Variants in TMEM114 observed in about 807,000 individuals in gnomAD.
TMEM114 encodes the protein transmembrane protein 114.
TMEM114 carries 6 observed loss-of-function variants against 6.2 expected under a neutral mutation model. The ratio of observed to expected loss-of-function variants is 0.97; its 90% confidence interval spans 0.53 to 1.91. TMEM114 has a LOEUF of 1.91. Among genes scored for constraint, TMEM114 ranks in the 40% most tolerant of loss-of-function variants. TMEM114 has a pLI of 0.01. For synonymous variants in TMEM114, 104 were observed against 73.0 expected (o/e 1.42, Z -2.16); for missense variants, 218 against 158.3 (o/e 1.38, Z -2.02).
At chr16:8,565,836 G>T (rs1239790047), downstream of TMEM114, among the ~76,000 whole-genome samples, 1 of 152,158 alleles carries the variant, frequency 6.6e-6, no homozygotes, top group Non-Finnish European at 1.5e-5. Context: ...TGGCTCCATT[G>T]GGGCCCCAGT....
At chr16:8,567,337 C>G (rs958298046), downstream of TMEM114, among the ~76,000 whole-genome samples, 7 of 152,148 alleles carry the variant, frequency 4.6e-5, no homozygotes, top group Non-Finnish European at 1.0e-4. Flanking sequence ...TTGGCCACCC[C>G]CATGAATGTG....
chr16:8,566,144 G>A (rs1301573718), downstream of TMEM114, among the ~76,000 whole-genome samples: 1 of 152,172 alleles, frequency 6.6e-6, no homozygotes, highest in Non-Finnish European at 1.5e-5. Context: ...GCCAAGGTAG[G>A]TGGATCATGA....
At chr16:8,533,083 A>G (rs1304268876), downstream of TMEM114, among the ~76,000 whole-genome samples, 2 of 152,184 alleles carry the variant, frequency 1.3e-5, no homozygotes. Flanking sequence ...AAAAGTCCAA[A>G]AGGTAGTAAA....
intron 2 of TMEM114, among the ~76,000 whole-genome samples, chr16:8,555,148 C>T (rs538240318): frequency 6.6e-6 from 1 of 152,324 alleles, no homozygotes; most frequent in Admixed American, 6.5e-5. Context: ...ATTTCCTGAG[C>T]TCTTCTCTCT....
At chr16:8,577,974 G>A (rs1341351990) in intron 2 of TMEM114, among the ~76,000 whole-genome samples, 1 of 152,138 alleles carries the variant, frequency 6.6e-6, no homozygotes, top group Non-Finnish European at 1.5e-5. Context: ...CCTGTCCTAG[G>A]GCCTGGGGAC....
At chr16:8,562,717 TGAGGGAGG>T (rs1370344810) in intron 2 of TMEM114, among the ~76,000 whole-genome samples, 1 of 150,474 alleles carries the variant, frequency 6.6e-6, no homozygotes, top group African/African-American at 2.5e-5. Flanking sequence ...AATGAGTGAG[TGAGGGAGG>T]GAGGGAATGA....
chr16:8,546,541 C>T (rs1900672477), intron 2 of TMEM114, among the ~76,000 whole-genome samples: 1 of 152,180 alleles, frequency 6.6e-6, no homozygotes, highest in Non-Finnish European at 1.5e-5. Context: ...GAAAGTCCGG[C>T]CACTATCTCT....
intron 2 of TMEM114, among the ~76,000 whole-genome samples, chr16:8,545,439 TAATC>T (rs1270139341): frequency 2.6e-5 from 4 of 152,182 alleles, no homozygotes; most frequent in East Asian, 1.9e-4. Flanking sequence ...TCTCAGAAAA[TAATC>T]AACATCATCA....
At chr16:8,537,054 G>T (rs570927108), downstream of TMEM114, among the ~76,000 whole-genome samples, 1 of 151,926 alleles carries the variant, frequency 6.6e-6, no homozygotes, top group South Asian at 2.1e-4. Context: ...AAAAATTTAA[G>T]AATTAGCTGG....
intron 2 of TMEM114, among the ~76,000 whole-genome samples, chr16:8,564,470 G>A (rs1467746680): frequency 2.2e-5 from 2 of 90,216 alleles, no homozygotes; most frequent in Non-Finnish European, 4.6e-5. Flanking sequence ...AATGAGTGAG[G>A]GAGGGACGGA....
chr16:8,544,558 A>G (rs953630941), intron 2 of TMEM114, among the ~76,000 whole-genome samples: 1 of 152,228 alleles, frequency 6.6e-6, no homozygotes, highest in Non-Finnish European at 1.5e-5. Flanking sequence ...GTAGACGACC[A>G]ACCTGTTGAA....
intron 2 of TMEM114, among the ~76,000 whole-genome samples, chr16:8,581,670 T>A (rs1902154364): frequency 6.6e-6 from 1 of 152,262 alleles, no homozygotes; most frequent in Non-Finnish European, 1.5e-5. Context: ...GCCAGGCTGC[T>A]CTCAAACTCC....
At chr16:8,540,318 G>A (rs2141648142) in intron 2 of TMEM114, among the ~76,000 whole-genome samples, 1 of 152,272 alleles carries the variant, frequency 6.6e-6, no homozygotes, top group South Asian at 2.1e-4. Flanking sequence ...GAGCTCTGGA[G>A]TCCAGCCACC....
chr16:8,528,533 G>A, the TMEM114 span, among the ~76,000 whole-genome samples: 10 of 152,086 alleles, frequency 6.6e-5, no homozygotes, highest in Admixed American at 5.2e-4. Context: ...GAGGAGGGGA[G>A]CATGCTTTCA....
downstream of TMEM114, among the ~76,000 whole-genome samples, chr16:8,566,369 G>T (rs12921159): frequency 0.67 from 94,191 of 139,610 alleles, 30,686 homozygotes; most frequent in East Asian, 0.74. Context: ...AGAGCTAGAC[G>T]CAGTCTCAAA....
intron 3 of TMEM114, among the ~76,000 whole-genome samples, chr16:8,571,461 C>T (rs1374989125): frequency 6.6e-6 from 1 of 152,180 alleles, no homozygotes; most frequent in Non-Finnish European, 1.5e-5. Flanking sequence ...AAAATCTACT[C>T]TCAGCGATTT....
chr16:8,528,231 G>C, the TMEM114 span, among the ~76,000 whole-genome samples: 1 of 140,998 alleles, frequency 7.1e-6, no homozygotes, highest in Non-Finnish European at 1.5e-5. Context: ...ATATGAATTT[G>C]TTCACCCAAA....
At chr16:8,564,290 T>C (rs1901434614) in intron 2 of TMEM114, among the ~76,000 whole-genome samples, 1 of 142,764 alleles carries the variant, frequency 7.0e-6, no homozygotes, top group Non-Finnish European at 1.5e-5. Context: ...AGTGATGAAA[T>C]AAGTGAATGA....
Position 8,589,662 on chromosome 16 carries a change from G to C in TMEM114, c.177C>G (p.Pro59=), listed in dbSNP as rs1902422877. The C allele has an allele frequency of 2.5e-6, 1 of 398,312 alleles. No individual in the cohort carries two copies. Among genetic ancestry groups the C allele is most frequent in the Non-Finnish European group, 4.4e-6 (1 of 225,984 alleles). The allele number at this position is 398,312 out of a possible 1,614,324, so 24.7% of individuals were successfully genotyped here. A position where few individuals can be genotyped will look rare whatever the true frequency, so the allele number is the denominator to read the frequency against. ...DLLGSINRSQ[P]EPLSSHSGLW... The stretch of plus-strand genomic sequence containing the variant: ...GGCCGGAGTGGGAGCTCAGAGGCTC[G>C]GGCTGGCTGCGATTGATGGACCCCA... The change falls in exon 1 of 4, where the codon CCC becomes CCG. Residue 59 remains proline (P), a synonymous_variant. Coordinates refer to ENST00000620492, the MANE Select transcript of TMEM114 (RefSeq NM_001146336.2).
Sources: allele counts gnomAD v4.1 joint callset (sites outside exome capture counted in the v4.1 genomes callset), GRCh38; gene constraint gnomAD v4.1.1; transcripts MANE v1.5; gene names NCBI Gene and HGNC (gene_info 2026-07-23, HGNC 2026-07-21).